The following OTOGL variants were observed in gnomAD, a reference collection of about 807,000 sequenced individuals.
OTOGL encodes the protein otogelin-like protein.
A neutral mutation model predicts 318.5 loss-of-function variants in OTOGL; 285 were observed. The observed-to-expected ratio is 0.89, with a 90% CI of 0.81 to 0.99. OTOGL has a LOEUF of 0.99. OTOGL is among the 50% of genes least tolerant of loss of function. OTOGL has a pLI of 0.00. For synonymous variants in OTOGL, 987 were observed against 936.5 expected (o/e 1.05, Z -0.99); for missense variants, 2,899 against 2,845.6 (o/e 1.02, Z -0.43).
chr12:80,230,783 T>C (rs1447706156), intron 8 of OTOGL, among the ~76,000 whole-genome samples: 2 of 152,224 alleles, frequency 1.3e-5, no homozygotes, highest in East Asian at 1.9e-4. Flanking sequence ...TTTACTTCTC[T>C]GGATTTCAGT....
At position 80,254,685 on chromosome 12, in the gene OTOGL, G is replaced by A. The variant is rs556910156; in HGVS notation, c.1441+115G>A. On this transcript the variant is annotated intron_variant, in intron 15 of 58. Coordinates refer to ENST00000547103, the MANE Select transcript of OTOGL (RefSeq NM_001378609.3). ...TATATACCAAGGGCTACAATAATCT[G>A]TAAATGCAATTACTCAGAGGATACA... The A allele has an allele frequency of 1.3e-4, 103 of 809,400 alleles. No individual in the cohort carries two copies. The African/African-American group carries it at 1.7e-3, about 13-fold the overall frequency. 50.1% of individuals were successfully genotyped at this position (809,400 alleles called of 1,614,324 possible).
intron 1 of OTOGL, among the ~76,000 whole-genome samples, chr12:80,115,602 G>C (rs1870110081): frequency 6.6e-6 from 1 of 152,186 alleles, no homozygotes. Context: ...GCTCTCTCCA[G>C]AGCCAGCAGT....
intron 50 of OTOGL, 131 bp downstream of exon 50, chr12:80,358,480 T>C (rs1289549475): frequency 2.4e-6 from 2 of 847,390 alleles, no homozygotes; most frequent in Non-Finnish European, 3.6e-6. Flanking sequence ...CTAGCACCAG[T>C]ACTCTTTTTG....
intron 1 of OTOGL, among the ~76,000 whole-genome samples, chr12:80,171,086 G>T (rs562766402): frequency 6.6e-6 from 1 of 151,612 alleles, no homozygotes; most frequent in Non-Finnish European, 1.5e-5. Context: ...GATTAATTTC[G>T]TTTTTTGAGT....
chr12:80,209,324 C>A, intron 1 of OTOGL, 89 bp from the exon 2 acceptor site: 1 of 617,350 alleles, frequency 1.6e-6, no homozygotes, highest in Non-Finnish European at 2.5e-6. Flanking sequence ...TATTACATAG[C>A]TATATTTATT....
chr12:80,239,137 T>G lies in OTOGL; in HGVS notation c.945+159T>G, dbSNP rs1880139179. On this transcript the variant is annotated intron_variant, in intron 10 of 58. Transcript: ENST00000547103. ...TAGGAAATCACCTTAATTTTAGAAA[T>G]AGTGAATGTAGTGAATTTCATAAAT... Among the ~76,000 whole-genome samples, 4 of 152,198 alleles carry G rather than the reference T, an allele frequency of 2.6e-5. No homozygotes were observed. In the South Asian group the frequency reaches 8.3e-4, roughly 31 times the overall value.
At chr12:80,102,074 G>T (rs1008660101) in intron 1 of OTOGL, among the ~76,000 whole-genome samples, 1 of 152,154 alleles carries the variant, frequency 6.6e-6, no homozygotes, top group Non-Finnish European at 1.5e-5. Context: ...GAATCCACTA[G>T]TTGATAAATC....
At chr12:80,340,819 G>A (rs1888718191) in intron 43 of OTOGL, among the ~76,000 whole-genome samples, 1 of 152,070 alleles carries the variant, frequency 6.6e-6, no homozygotes, top group Non-Finnish European at 1.5e-5. Flanking sequence ...ACAGCACTAT[G>A]AAGTCTGGAG....
In OTOGL at chr12:80,262,015, G is replaced by A. The variant is rs762269114; in HGVS notation, c.1936G>A (p.Ala646Thr). The A allele has an allele frequency of 6.2e-7, 1 of 1,613,114 alleles. No individual in the cohort carries two copies. The highest frequency in any genetic ancestry group is 8.5e-7 in the Non-Finnish European group (1 of 1,179,356). ...IEGTPQLHAN[A>T]WRVSSTCFAP... ...AGGTACACCACAACTTCACGCAAAT[G>A]CGTGGAGAGTTTCTTCTACCTGTTT... Residue 646 changes from alanine (A) to threonine (T), a missense_variant, in exon 19 of 59, where the codon GCG becomes ACG. This residue lies in a region of OTOGL where 2,607 missense variants were observed against 2,524.9 expected (regional missense o/e 1.03). Transcript: ENST00000547103.
intron 1 of OTOGL, among the ~76,000 whole-genome samples, chr12:80,135,368 G>A (rs1871500473): frequency 6.7e-6 from 1 of 149,926 alleles, no homozygotes; most frequent in Admixed American, 6.7e-5. Context: ...TGCTTCCCAG[G>A]TTCAAGCAGT....
chr12:80,294,905 T>C (rs1271565665), intron 26 of OTOGL, among the ~76,000 whole-genome samples: 1 of 151,976 alleles, frequency 6.6e-6, no homozygotes, highest in Non-Finnish European at 1.5e-5. Flanking sequence ...TGGGTAAACA[T>C]AGTGACACCC....
chr12:80,317,847 G>C (rs534418820), intron 32 of OTOGL, among the ~76,000 whole-genome samples: 3 of 152,164 alleles, frequency 2.0e-5, no homozygotes, highest in Admixed American at 2.0e-4. Flanking sequence ...ATTGTCCACT[G>C]TTTCTGCTCA....
chr12:80,204,316 A>G (rs1210574126), intron 1 of OTOGL, among the ~76,000 whole-genome samples: 1 of 152,194 alleles, frequency 6.6e-6, no homozygotes, highest in African/African-American at 2.4e-5. Flanking sequence ...TGATAGGCTA[A>G]CGTTTGACAC....
chr12:80,161,399 C>T (rs573772961), intron 1 of OTOGL, among the ~76,000 whole-genome samples: 4 of 151,886 alleles, frequency 2.6e-5, no homozygotes, highest in Non-Finnish European at 4.4e-5. Flanking sequence ...AAATTGAGAA[C>T]CTTTCATAAA....
At chr12:80,308,966 G>C (rs955364806) in intron 29 of OTOGL, among the ~76,000 whole-genome samples, 3 of 137,900 alleles carry the variant, frequency 2.2e-5, no homozygotes, top group Non-Finnish European at 4.7e-5. Context: ...GGAAAGAGAG[G>C]GAGAGGGAGA....
intron 1 of OTOGL, among the ~76,000 whole-genome samples, chr12:80,147,704 G>T (rs1205345215): frequency 1.3e-5 from 2 of 152,090 alleles, no homozygotes; most frequent in East Asian, 3.8e-4. Context: ...CTCTTTGTAG[G>T]TCACTCAGGA....
chr12:80,143,284 G>A (rs973816779), intron 1 of OTOGL, among the ~76,000 whole-genome samples: 1 of 152,124 alleles, frequency 6.6e-6, no homozygotes, highest in Non-Finnish European at 1.5e-5. Flanking sequence ...AGTCCCTAAA[G>A]TTTAGAATTC....
In OTOGL at chr12:80,278,231, G is replaced by C; in HGVS notation, c.2745G>C (p.Trp915Cys). ...PESCPCIWKD[W>C]EYLSGEVIAT... is the part of the protein sequence containing the mutation. The stretch of plus-strand genomic sequence containing the variant: ...GCTGCCCATGTATTTGGAAAGATTG[G>C]GAGTATCTCTCAGGAGAAGTGATTG... The change falls in exon 25 of 59, where the codon TGG (tryptophan) becomes TGC (cysteine). Residue 915 changes from tryptophan (W) to cysteine (C), a missense_variant. By Grantham distance (215) the Trp-to-Cys change is radical (BLOSUM62 -2). This residue lies in a region of OTOGL where 2,607 missense variants were observed against 2,524.9 expected (regional missense o/e 1.03). Transcript: ENST00000547103. 1 of 1,546,736 alleles carries C rather than the reference G, an allele frequency of 6.5e-7. No individual in the cohort carries two copies. The highest frequency in any genetic ancestry group is 8.7e-7 in the Non-Finnish European group (1 of 1,144,152).
At chr12:80,206,968 A>G (rs993621466) in intron 1 of OTOGL, among the ~76,000 whole-genome samples, 2 of 152,234 alleles carry the variant, frequency 1.3e-5, no homozygotes, top group African/African-American at 2.4e-5. Context: ...AAGATACTAT[A>G]TGAAACTTGA....
Sources: allele counts gnomAD v4.1 joint callset (sites outside exome capture counted in the v4.1 genomes callset), GRCh38; gene constraint gnomAD v4.1.1; regional missense constraint gnomAD v4.1.1; transcripts MANE v1.5; gene names NCBI Gene and HGNC (gene_info 2026-07-23, HGNC 2026-07-21).